PCDHGB6: variants seen among roughly 807,000 people sequenced by gnomAD.
PCDHGB6 encodes protocadherin gamma subfamily B, 6.
In PCDHGB6, 51 loss-of-function variants were observed where a neutral mutation model predicts 59.1. That is an observed-to-expected ratio of 0.86 (90% CI 0.69 to 1.09). The LOEUF (loss-of-function observed/expected upper bound fraction) is 1.09, where lower values mean the gene tolerates loss of function less well. Among genes scored for constraint, PCDHGB6 ranks in the 50% least tolerant of loss-of-function variants. PCDHGB6 has a pLI of 0.00. For synonymous variants in PCDHGB6, 466 were observed against 495.1 expected (o/e 0.94, Z 0.78); for missense variants, 1,148 against 1,205.1 (o/e 0.95, Z 0.70).
In PCDHGB6 at chr5:141,409,270, T is replaced by A. The variant is rs761773360; in HGVS notation, c.1068T>A (p.Ile356=). The change falls in exon 1 of 4, where the codon ATT becomes ATA. Residue 356 remains isoleucine, a synonymous_variant. Transcript: ENST00000520790. ...EIIITSLSDQ[I]LENSPPGMVV... ...TCATCACTTCTCTCTCTGATCAGAT[T>A]TTGGAGAATTCACCTCCAGGAATGG... 3.7e-6 allele frequency: 6 copies of A among 1,613,996 alleles called. No individual in the cohort carries two copies. Among genetic ancestry groups the A allele is most frequent in the Non-Finnish European group, 4.2e-6 (5 of 1,179,888 alleles).
At chr5:141,508,903 G>A (rs1410291297) in intron 3 of PCDHGB6, among the ~76,000 whole-genome samples, 1 of 152,086 alleles carries the variant, frequency 6.6e-6, no homozygotes, top group East Asian at 1.9e-4. Flanking sequence ...GGGCGGGGCG[G>A]TGGCGGATCT....
chr5:141,487,391 A>C lies in PCDHGB6; in HGVS notation c.2419-7416A>C. 1 of 1,614,090 alleles carries C rather than the reference A, an allele frequency of 6.2e-7. No homozygotes were observed. The highest frequency in any genetic ancestry group is 1.1e-5 in the South Asian group (1 of 91,078). ...TGCCTGTCTCACCAGATCTCGAAGG[A>C]GGGAGGGGCTTCCCCCTTCCAATGG... On this transcript the variant is annotated intron_variant, in intron 1 of 3. Transcript: ENST00000520790. The surrounding 1 kb of genome is among the most constrained non-coding windows in gnomAD (Gnocchi z 5.0).
At chr5:141,423,341 TC>T (rs767448191) in intron 1 of PCDHGB6, 181 of 1,614,176 alleles carry the variant, frequency 1.1e-4, no homozygotes, top group Admixed American at 2.7e-4. Context: ...TCCTGCATCT[TC>T]CTGGTCTTTG....
chr5:141,453,669 G>T (rs1390396079), intron 1 of PCDHGB6, among the ~76,000 whole-genome samples: 1 of 152,034 alleles, frequency 6.6e-6, no homozygotes, highest in Non-Finnish European at 1.5e-5. Context: ...TTACACAAAA[G>T]GTAACACACT....
rs1210499024 is a variant in PCDHGB6 at position 141,431,784 on chromosome 5, A to T, written c.2418+21164A>T. ...CTGATCACTGTTCTGGACGTGAACG[A>T]CAATGCCCCAGAAGTGGTCCTCACC... On this transcript the variant is annotated intron_variant, in intron 1 of 3. Transcript: ENST00000520790. This position sits in a 1 kb window ranked among gnomAD's most constrained non-coding sequence, Gnocchi z 4.8. The T allele has an allele frequency of 6.2e-7, 1 of 1,614,102 alleles. No homozygotes were observed. The highest frequency in any genetic ancestry group is 8.5e-7 in the Non-Finnish European group (1 of 1,180,030).
rs1233801398 is a variant in PCDHGB6, at chr5:141,431,238, C to T, written c.2418+20618C>T. The stretch of plus-strand genomic sequence containing the variant: ...TTCCCTCTACCCCACGCCTGGGATC[C>T]GGATATCGGGAAGAACTCTCTGCAG... On this transcript the variant is annotated intron_variant, in intron 1 of 3. Coordinates refer to ENST00000520790, the MANE Select transcript of PCDHGB6 (RefSeq NM_018926.3). This position sits in a 1 kb window ranked among gnomAD's most constrained non-coding sequence, Gnocchi z 4.8. The T allele has an allele frequency of 3.7e-6, 6 of 1,614,156 alleles. No homozygotes were observed. Among genetic ancestry groups the T allele is most frequent in the Non-Finnish European group, 8.5e-7 (1 of 1,180,038 alleles).
intron 2 of PCDHGB6, among the ~76,000 whole-genome samples, chr5:141,504,793 C>A (rs1256626821): frequency 9.9e-5 from 15 of 152,166 alleles, no homozygotes; most frequent in Admixed American, 3.9e-4. Context: ...GGGCCTCCTA[C>A]ATCTCCCCCT....
Position 141,409,423 on chromosome 5 carries a change from T to G in PCDHGB6, c.1221T>G (p.Asp407Glu). Reference sequence around the variant, plus strand: ...ATAACTACTACAAACTGGTGACAGATGGAGCCCTGGACCGAGAGCAGACAC... The same window carrying G: ...ATAACTACTACAAACTGGTGACAGAGGGAGCCCTGGACCGAGAGCAGACAC... ...SSNNYYKLVT[D>E]GALDREQTPE... The change falls in exon 1 of 4, where the codon GAT becomes GAG. Residue 407 changes from aspartate to glutamate, a missense_variant. Asp to Glu is a conservative substitution (Grantham distance 45, BLOSUM62 2). Transcript: ENST00000520790. The G allele has an allele frequency of 6.2e-7, 1 of 1,614,026 alleles. No homozygotes were observed. The highest frequency in any genetic ancestry group is 8.5e-7 in the Non-Finnish European group (1 of 1,179,894).
chr5:141,501,290 T>C lies in PCDHGB6; in HGVS notation c.2478-4103T>C, dbSNP rs796726601. Among the ~76,000 whole-genome samples, 19 of 136,248 alleles carry C rather than the reference T, an allele frequency of 1.4e-4. No individual in the cohort carries two copies. The South Asian group carries it at 2.4e-3, about 17-fold the overall frequency. 89.4% of individuals were successfully genotyped at this position (136,248 alleles called of 152,430 possible). ...GTCCAGTCTATGGGATATTCCCTTA[T>C]ACACACACACACACACACACACACA... On this transcript the variant is annotated intron_variant, in intron 2 of 3. Coordinates refer to ENST00000520790, the MANE Select transcript of PCDHGB6 (RefSeq NM_018926.3).
In PCDHGB6 at chr5:141,511,261, G is replaced by A; in HGVS notation, c.*88G>A. On this transcript the variant is annotated 3_prime_UTR_variant, in exon 4 of 4. Transcript: ENST00000520790. The stretch of plus-strand genomic sequence containing the variant: ...CTGCACCCAGGCCTCAGAGTTTCAG[G>A]GCTAACCCCCAGAATACTGGTAGGG... 2 of 1,557,474 alleles carry A rather than the reference G, an allele frequency of 1.3e-6. No homozygotes were observed. The highest frequency in any genetic ancestry group is 1.4e-5 in the African/African-American group (1 of 73,440).
chr5:141,408,022 G>A lies in PCDHGB6; in HGVS notation c.-181G>A, dbSNP rs915978239. 9.5e-7 allele frequency: 1 copy of A among 1,056,122 alleles called. No homozygotes were observed. The highest frequency in any genetic ancestry group is 1.3e-6 in the Non-Finnish European group (1 of 762,172). The allele number at this position is 1,056,122 out of a possible 1,614,324, so 65.4% of individuals were successfully genotyped here. On this transcript the variant is annotated 5_prime_UTR_variant, in exon 1 of 4. Transcript: ENST00000520790. ...GGGATTCCCTGCGCAGCCAACAACA[G>A]AAAGAAGAAAACCAGCTCCCACACA...
chr5:141,491,641 C>T lies in PCDHGB6; in HGVS notation c.2419-3166C>T. Reference sequence around the variant, plus strand: ...CCTCAGCGTTCAGCAGCCCACAGCTCTGGCGCTGGAGCCTGACGCCATCCG... The same window carrying T: ...CCTCAGCGTTCAGCAGCCCACAGCTTTGGCGCTGGAGCCTGACGCCATCCG... On this transcript the variant is annotated intron_variant, in intron 1 of 3. Coordinates refer to ENST00000520790, the MANE Select transcript of PCDHGB6 (RefSeq NM_018926.3). The surrounding 1 kb of genome is among the most constrained non-coding windows in gnomAD (Gnocchi z 6.9). The T allele has an allele frequency of 6.2e-7, 1 of 1,613,896 alleles. No homozygotes were observed. Among genetic ancestry groups the T allele is most frequent in the Non-Finnish European group, 8.5e-7 (1 of 1,180,018 alleles).
intron 1 of PCDHGB6, among the ~76,000 whole-genome samples, chr5:141,465,502 G>T (rs948827391): frequency 6.6e-6 from 1 of 152,152 alleles, no homozygotes; most frequent in Non-Finnish European, 1.5e-5. Flanking sequence ...GAGCATTGTC[G>T]TGGTCAGGAA....
Position 141,486,319 on chromosome 5 carries a change from C to T in PCDHGB6, c.2419-8488C>T, listed in dbSNP as rs148184642. The T allele has an allele frequency of 1.7e-4, 268 of 1,614,058 alleles. No individual in the cohort carries two copies. The African/African-American group carries it at 1.7e-3, about 10-fold the overall frequency. Reference sequence around the variant, plus strand: ...TGCAGGATCCAGACTCAGGGTCAAACGGAGATGTGAGCCTCCGCATTCCTG... The same window carrying T: ...TGCAGGATCCAGACTCAGGGTCAAATGGAGATGTGAGCCTCCGCATTCCTG... On this transcript the variant is annotated intron_variant, in intron 1 of 3. Transcript: ENST00000520790. The surrounding 1 kb of genome is among the most constrained non-coding windows in gnomAD (Gnocchi z 5.0).
chr5:141,457,949 C>G (rs2098933653), intron 1 of PCDHGB6, among the ~76,000 whole-genome samples: 1 of 152,192 alleles, frequency 6.6e-6, no homozygotes. Flanking sequence ...CTCTGCATGT[C>G]AAGCTTGATT....
intron 2 of PCDHGB6, among the ~76,000 whole-genome samples, chr5:141,498,795 T>C (rs2099785702): frequency 6.6e-6 from 1 of 152,032 alleles, no homozygotes; most frequent in Admixed American, 6.6e-5. Context: ...TAGCCAGGTG[T>C]GGTGGTGCAC....
chr5:141,421,130 A>G, intron 1 of PCDHGB6: 1 of 827,800 alleles, frequency 1.2e-6, no homozygotes, highest in South Asian at 1.8e-5. Context: ...GCTTTCTGAT[A>G]TATTTTGGAT....
intron 1 of PCDHGB6, chr5:141,414,381 T>A: frequency 6.2e-7 from 1 of 1,613,866 alleles, no homozygotes. Context: ...AAAAGTCCAT[T>A]GACAGTTATT....
chr5:141,424,055 C>A, intron 1 of PCDHGB6: 2 of 1,007,784 alleles, frequency 2.0e-6, no homozygotes, highest in Non-Finnish European at 1.2e-6. Context: ...TTTTGCTGTG[C>A]CTTCACTGAT....
Sources: gnomAD v4.1 joint callset for allele counts (sites outside exome capture counted in the v4.1 genomes callset) on GRCh38, gnomAD v4.1.1 for gene constraint, Gnocchi (gnomAD v3.1) non-coding constraint, MANE v1.5 for transcripts, NCBI Gene and HGNC (gene_info 2026-07-23, HGNC 2026-07-21) for gene names.